PAWR: variants seen among roughly 807,000 people sequenced by gnomAD.
PAWR encodes pro-apoptotic WT1 regulator.
A neutral mutation model predicts 32.0 loss-of-function variants in PAWR; 23 were observed. The ratio of observed to expected loss-of-function variants is 0.72; its 90% confidence interval spans 0.52 to 1.02. The LOEUF is 1.02. Among genes scored for constraint, PAWR ranks in the 50% least tolerant of loss-of-function variants. PAWR has a pLI of 0.00. For synonymous variants in PAWR, 226 were observed against 187.1 expected (o/e 1.21, Z -1.70); for missense variants, 457 against 437.7 (o/e 1.04, Z -0.39).
intron 2 of PAWR, among the ~76,000 whole-genome samples, chr12:79,672,070 T>C (rs1296403328): frequency 2.6e-5 from 4 of 152,138 alleles, no homozygotes; most frequent in Non-Finnish European, 5.9e-5. Flanking sequence ...TGCTGTCAGC[T>C]CTACCTCTAA....
intron 2 of PAWR, among the ~76,000 whole-genome samples, chr12:79,632,362 T>TATATA (rs1566011223): frequency 2.0e-5 from 1 of 49,884 alleles, no homozygotes; most frequent in Non-Finnish European, 3.1e-5. Context: ...TATATATATA[T>TATATA]TTTTTTTTTT....
intron 2 of PAWR, among the ~76,000 whole-genome samples, chr12:79,684,927 C>T (rs1204960381): frequency 6.6e-6 from 1 of 152,170 alleles, no homozygotes; most frequent in Admixed American, 6.5e-5. Context: ...TATCTCTAAT[C>T]TACTTCTCAC....
rs150638427 is a variant in PAWR, at chr12:79,598,145, C to T, written c.684-1487G>A. Among the ~76,000 whole-genome samples the T allele has an allele frequency of 8.5e-4, 129 of 152,260 alleles. 1 individual carries two copies. Among genetic ancestry groups the T allele is most frequent in the African/African-American group, 2.7e-3 (113 of 41,566 alleles). On this transcript the variant is annotated intron_variant, in intron 4 of 6. Transcript: ENST00000328827. ...CAAAAGTGACATACTATCACACTGACCTTATTCTATTGTTCACACATATCA... is the reference window on the plus strand; with the variant it reads ...CAAAAGTGACATACTATCACACTGATCTTATTCTATTGTTCACACATATCA...
At chr12:79,652,099 T>A (rs1052230439) in intron 2 of PAWR, among the ~76,000 whole-genome samples, 1 of 152,056 alleles carries the variant, frequency 6.6e-6, no homozygotes. Context: ...GGTGGGAAAT[T>A]AGGAGTTATT....
chr12:79,686,817 T>C (rs1176816934), intron 2 of PAWR, among the ~76,000 whole-genome samples: 1 of 152,204 alleles, frequency 6.6e-6, no homozygotes, highest in Non-Finnish European at 1.5e-5. Context: ...TTCCAATAAA[T>C]AGTTACATGC....
At chr12:79,610,383 C>T (rs933927674) in intron 4 of PAWR, among the ~76,000 whole-genome samples, 13 of 152,080 alleles carry the variant, frequency 8.5e-5, no homozygotes, top group Non-Finnish European at 1.5e-4. Flanking sequence ...ATTTGCATTT[C>T]GAAAGCAAGC....
At chr12:79,649,616 T>G (rs1876746465) in intron 2 of PAWR, among the ~76,000 whole-genome samples, 1 of 151,954 alleles carries the variant, frequency 6.6e-6, no homozygotes, top group Non-Finnish European at 1.5e-5. Context: ...AGCAAAACAC[T>G]GTCTCTATAA....
rs1271806572 is a variant in PAWR, at chr12:79,587,734, G to A, written c.*4873C>T. 6.6e-6 allele frequency: 1 copy of A among 151,676 alleles called. No homozygotes were observed. The highest frequency in any genetic ancestry group is 2.4e-5 in the African/African-American group (1 of 41,346). The allele number at this position is 151,676 out of a possible 1,614,324, so 9.4% of individuals were successfully genotyped here. A position where few individuals can be genotyped will look rare whatever the true frequency, so the allele number is the denominator to read the frequency against. On this transcript the variant is annotated 3_prime_UTR_variant, in exon 7 of 7. Coordinates refer to ENST00000328827, the MANE Select transcript of PAWR (RefSeq NM_002583.4). ...CCAGCATTATCCTTTAGCTTCAAAA[G>A]TAAAACTCATAGTCAGGATTTTACT...
chr12:79,645,156 C>T (rs1876515014), intron 2 of PAWR, among the ~76,000 whole-genome samples: 1 of 152,054 alleles, frequency 6.6e-6, no homozygotes. Flanking sequence ...GAGATGCACA[C>T]ATCCCATTAG....
Position 79,627,038 on chromosome 12 carries a change from C to T in PAWR, c.517-5831G>A, listed in dbSNP as rs560248939. Among the ~76,000 whole-genome samples the T allele has an allele frequency of 5.3e-5, 8 of 152,176 alleles. No homozygotes were observed. The South Asian group carries it at 6.2e-4, about 12-fold the overall frequency. On this transcript the variant is annotated intron_variant, in intron 2 of 6. Coordinates refer to ENST00000328827, the MANE Select transcript of PAWR (RefSeq NM_002583.4). ...AAGTCTTTGCTATTGTGAATAGTGC[C>T]GCAATAAACATACGTGTGCATGTGG...
chr12:79,664,337 T>C (rs1336349566), intron 2 of PAWR, among the ~76,000 whole-genome samples: 1 of 151,972 alleles, frequency 6.6e-6, no homozygotes, highest in Non-Finnish European at 1.5e-5. Context: ...CCTCCCTCAA[T>C]TAAAAAAAAT....
chr12:79,641,961 G>A (rs1021143904), intron 2 of PAWR, among the ~76,000 whole-genome samples: 15 of 151,472 alleles, frequency 9.9e-5, no homozygotes, highest in African/African-American at 3.6e-4. Flanking sequence ...TGCTACAAGG[G>A]GACCTGGAGA....
At chr12:79,642,622 A>T (rs1876380274) in intron 2 of PAWR, among the ~76,000 whole-genome samples, 1 of 152,058 alleles carries the variant, frequency 6.6e-6, no homozygotes, top group Non-Finnish European at 1.5e-5. Context: ...CCTAGTAAGA[A>T]CACCAGTCAT....
Position 79,690,142 on chromosome 12 carries a change from T to A in PAWR, c.103A>T (p.Asn35Tyr). ...CCCGGGGGGGCCGGGCCCGGGGGGT[T>A]CTGCTTGGCGCGCATCTTCTCGCGT... ...AKREKMRAKQ[N>Y]PPGPAPPGGG... The change falls in exon 2 of 7, where the codon AAC becomes TAC. Residue 35 changes from asparagine to tyrosine, a missense_variant. Coordinates refer to ENST00000328827, the MANE Select transcript of PAWR (RefSeq NM_002583.4). 1 of 1,521,598 alleles carries A rather than the reference T, an allele frequency of 6.6e-7. No individual in the cohort carries two copies. The highest frequency in any genetic ancestry group is 8.8e-7 in the Non-Finnish European group (1 of 1,137,702). The allele number at this position is 1,521,598 out of a possible 1,614,324, so 94.3% of individuals were successfully genotyped here. A position where few individuals can be genotyped will look rare whatever the true frequency, so the allele number is the denominator to read the frequency against.
At chr12:79,627,922 C>A (rs1428688135) in intron 2 of PAWR, among the ~76,000 whole-genome samples, 2 of 152,032 alleles carry the variant, frequency 1.3e-5, no homozygotes, top group African/African-American at 4.8e-5. Flanking sequence ...AACAAGGATA[C>A]CCAGGAATTG....
intron 2 of PAWR, among the ~76,000 whole-genome samples, chr12:79,641,537 T>G (rs1231695212): frequency 6.6e-6 from 1 of 152,100 alleles, no homozygotes. Context: ...TTTTATAGAA[T>G]ATTAACAGGA....
chr12:79,595,563 T>C (rs1448631204), intron 5 of PAWR, among the ~76,000 whole-genome samples: 1 of 152,168 alleles, frequency 6.6e-6, no homozygotes, highest in Non-Finnish European at 1.5e-5. Flanking sequence ...TATGAAATAA[T>C]AGGCTGGGCA....
intron 4 of PAWR, among the ~76,000 whole-genome samples, chr12:79,602,358 G>A (rs1873996300): frequency 6.6e-6 from 1 of 152,138 alleles, no homozygotes; most frequent in South Asian, 2.1e-4. Context: ...TCCATTTAAA[G>A]GTAATGGTAA....
intron 2 of PAWR, among the ~76,000 whole-genome samples, chr12:79,638,793 GT>G (rs61129054): frequency 0.072 from 7,294 of 101,226 alleles, 729 homozygotes; most frequent in African/African-American, 0.36. Flanking sequence ...TATTTGGGGT[GT>G]GTGTGTGTGT....
Sources: gnomAD v4.1 joint callset for allele counts (sites outside exome capture counted in the v4.1 genomes callset) on GRCh38, gnomAD v4.1.1 for gene constraint, MANE v1.5 for transcripts, NCBI Gene and HGNC (gene_info 2026-07-23, HGNC 2026-07-21) for gene names.